HHAT: variants seen among roughly 807,000 people sequenced by gnomAD.
The protein encoded by HHAT is protein-cysteine N-palmitoyltransferase HHAT.
In HHAT, 47 loss-of-function variants were observed where a neutral mutation model predicts 70.8. That is an observed-to-expected ratio of 0.66 (90% CI 0.53 to 0.85). The LOEUF (loss-of-function observed/expected upper bound fraction) is 0.85, where lower values mean the gene tolerates loss of function less well. Ranked by LOEUF, HHAT falls within the 40% of genes least tolerant of loss-of-function variation. The pLI, the probability that HHAT is intolerant of heterozygous loss-of-function variation, is 0.00. For missense variants in HHAT, 609 were observed against 604.8 expected, an observed-to-expected ratio of 1.01 and a Z score of -0.07; for synonymous variants, 228 against 247.6, an observed-to-expected ratio of 0.92 and a Z score of 0.74.
chr1:210,562,490 T>A (rs17016457), intron 9 of HHAT, among the ~76,000 whole-genome samples: 9,054 of 151,898 alleles, frequency 0.06, 857 homozygotes, highest in African/African-American at 0.2. Context: ...TGCTTGCTCT[T>A]TCCTTTTGCT....
In HHAT at chr1:210,387,469, A is replaced by T. The variant is rs746548984; in HGVS notation, c.161A>T (p.Asp54Val). The change falls in exon 4 of 12, where the codon GAT becomes GTT. Residue 54 changes from aspartate to valine, a missense_variant and splice_region_variant. Physicochemically the swap from Asp to Val is radical, Grantham distance 152. Transcript: ENST00000261458. ...GATAAACTATTTTGTCCTATTTAGG[A>T]TGCGACCGACTTTGAGTGGAGCTTC... ...TDTLFGGLKK[D>V]ATDFEWSFWM... 5.0e-6 allele frequency: 8 copies of T among 1,613,754 alleles called. No homozygotes were observed. The East Asian group carries it at 1.8e-4, about 36-fold the overall frequency.
intron 11 of HHAT, among the ~76,000 whole-genome samples, chr1:210,664,563 A>T (rs747983277): frequency 2.7e-4 from 41 of 152,218 alleles, no homozygotes; most frequent in Non-Finnish European, 5.7e-4. Context: ...CAGTTCTTTA[A>T]GGAAAGAAGC....
intron 9 of HHAT, among the ~76,000 whole-genome samples, chr1:210,532,534 A>G (rs1012364237): frequency 6.6e-6 from 1 of 152,200 alleles, no homozygotes; most frequent in Non-Finnish European, 1.5e-5. Flanking sequence ...CTAGCCCTAA[A>G]CTTATATAAC....
At chr1:210,636,587 T>A (rs1219270432) in intron 11 of HHAT, among the ~76,000 whole-genome samples, 1 of 152,234 alleles carries the variant, frequency 6.6e-6, no homozygotes. Context: ...TATTCCTTAC[T>A]GTCTTTCCGG....
At chr1:210,673,592 T>TC (rs913500550) in intron 11 of HHAT, among the ~76,000 whole-genome samples, 1 of 149,636 alleles carries the variant, frequency 6.7e-6, no homozygotes, top group Non-Finnish European at 1.5e-5. Flanking sequence ...ATTCTTCTTT[T>TC]TTTTTTTTTT....
chr1:210,423,672 A>G (rs149527424), intron 7 of HHAT, among the ~76,000 whole-genome samples: 2 of 152,186 alleles, frequency 1.3e-5, no homozygotes, highest in East Asian at 3.9e-4. Flanking sequence ...TTCTTCTAGT[A>G]TTTTTATTGC....
chr1:210,617,551 A>C (rs909021590), intron 10 of HHAT, among the ~76,000 whole-genome samples: 12 of 152,174 alleles, frequency 7.9e-5, no homozygotes, highest in African/African-American at 2.9e-4. Flanking sequence ...TTTAGCAGGA[A>C]CCCAGGCACC....
chr1:210,381,034 G>A (rs1210950325), intron 3 of HHAT, among the ~76,000 whole-genome samples: 5 of 152,052 alleles, frequency 3.3e-5, no homozygotes, highest in African/African-American at 1.2e-4. Context: ...GTGCTGTGTA[G>A]GGAGCATGGA....
chr1:210,366,104 A>G (rs1006670067), intron 3 of HHAT, among the ~76,000 whole-genome samples: 1 of 151,874 alleles, frequency 6.6e-6, no homozygotes, highest in African/African-American at 2.4e-5. Context: ...CTGATTTTTA[A>G]TATTTTGTAG....
intron 1 of HHAT, among the ~76,000 whole-genome samples, chr1:210,331,422 C>T (rs915274152): frequency 6.6e-6 from 1 of 152,152 alleles, no homozygotes; most frequent in African/African-American, 2.4e-5. Flanking sequence ...GGATACTTTG[C>T]CTTGACTTTA....
At chr1:210,598,621 G>T (rs1445863735) in intron 10 of HHAT, among the ~76,000 whole-genome samples, 1 of 152,174 alleles carries the variant, frequency 6.6e-6, no homozygotes, top group Non-Finnish European at 1.5e-5. Flanking sequence ...CTGAGTTCCA[G>T]TGCCAAGTCC....
intron 7 of HHAT, among the ~76,000 whole-genome samples, chr1:210,456,575 G>A (rs2093873711): frequency 6.6e-6 from 1 of 152,212 alleles, no homozygotes; most frequent in Non-Finnish European, 1.5e-5. Flanking sequence ...TGCACAGGCA[G>A]GTAGATTACA....
At chr1:210,647,705 G>T (rs775919663) in intron 11 of HHAT, among the ~76,000 whole-genome samples, 16 of 152,200 alleles carry the variant, frequency 1.1e-4, no homozygotes, top group Non-Finnish European at 1.8e-4. Flanking sequence ...GAGGGTAAAT[G>T]TGAAACTATG....
chr1:210,551,709 T>G (rs1385872618), intron 9 of HHAT, among the ~76,000 whole-genome samples: 2 of 152,218 alleles, frequency 1.3e-5, no homozygotes, highest in East Asian at 3.8e-4. Context: ...AATGAACGAT[T>G]TATTGAAGGG....
At chr1:210,429,653 G>C (rs1424118780) in intron 7 of HHAT, among the ~76,000 whole-genome samples, 1 of 151,394 alleles carries the variant, frequency 6.6e-6, no homozygotes, top group Non-Finnish European at 1.5e-5. Flanking sequence ...TTGTATCTGT[G>C]GGATGCGTAT....
intron 9 of HHAT, among the ~76,000 whole-genome samples, chr1:210,528,106 G>A (rs1240279187): frequency 1.3e-5 from 2 of 152,140 alleles, no homozygotes; most frequent in Non-Finnish European, 2.9e-5. Context: ...GCAGAGAGGT[G>A]TTCATCAGGT....
intron 4 of HHAT, among the ~76,000 whole-genome samples, chr1:210,398,195 T>G (rs2091895824): frequency 6.6e-6 from 1 of 152,242 alleles, no homozygotes; most frequent in South Asian, 2.1e-4. Context: ...AACATTTTAG[T>G]GGGATTCTAA....
At chr1:210,582,935 C>T (rs558504811) in intron 9 of HHAT, among the ~76,000 whole-genome samples, 5 of 152,332 alleles carry the variant, frequency 3.3e-5, no homozygotes, top group Admixed American at 6.5e-5. Flanking sequence ...CTAGAAAGGA[C>T]ATTTTTCAGT....
chr1:210,373,692 A>C (rs2089786560), intron 3 of HHAT, among the ~76,000 whole-genome samples: 1 of 152,224 alleles, frequency 6.6e-6, no homozygotes, highest in Non-Finnish European at 1.5e-5. Context: ...AGCAGTGGAA[A>C]CCAGTTTACA....
Sources: gnomAD v4.1 joint callset for allele counts (sites outside exome capture counted in the v4.1 genomes callset) on GRCh38, gnomAD v4.1.1 for gene constraint, MANE v1.5 for transcripts, NCBI Gene and HGNC (gene_info 2026-07-23, HGNC 2026-07-21) for gene names.